MBNL2: variants seen among roughly 807,000 people sequenced by gnomAD.
MBNL2 encodes muscleblind-like protein 2.
MBNL2 carries 17 observed loss-of-function variants against 41.9 expected under a neutral mutation model. The ratio of observed to expected loss-of-function variants is 0.41; its 90% CI spans 0.28 to 0.61. The LOEUF (loss-of-function observed/expected upper bound fraction) is 0.61, where lower values mean the gene tolerates loss of function less well. Ranked by LOEUF, MBNL2 falls within the 20% of genes least tolerant of loss-of-function variation. MBNL2 has a pLI of 0.35. For missense variants in MBNL2, 336 were observed against 505.6 expected, an observed-to-expected ratio of 0.66 and a Z score of 3.22; for synonymous variants, 195 against 182.9, an observed-to-expected ratio of 1.07 and a Z score of -0.53.
At chr13:97,147,986 C>T in the MBNL2 span, among the ~76,000 whole-genome samples, 19 of 152,118 alleles carry the variant, frequency 1.2e-4, no homozygotes, top group Non-Finnish European at 2.2e-4. Flanking sequence ...CAGAGTCAGA[C>T]GCCAGTCAAT....
rs2060691237 is a variant in MBNL2 at position 97,334,223 on chromosome 13, T to A, written c.175-53T>A. ...AGAAGTGATTGTTCAGTGGTTGACT[T>A]TGGAGTTGCAAGCTACTTAAAATAG... is the stretch of plus-strand genomic sequence containing the variant. On this transcript the variant is annotated intron_variant, in intron 2 of 8. Coordinates refer to ENST00000679496, the MANE Select transcript of MBNL2 (RefSeq NM_001382683.1). This position sits in a 1 kb window ranked among gnomAD's most constrained non-coding sequence, Gnocchi z 5.3. The A allele has an allele frequency of 7.0e-7, 1 of 1,436,006 alleles. No homozygotes were observed. Among genetic ancestry groups the A allele is most frequent in the South Asian group, 1.3e-5 (1 of 76,766 alleles). The allele number at this position is 1,436,006 out of a possible 1,614,324, so 89.0% of individuals were successfully genotyped here.
the MBNL2 span, among the ~76,000 whole-genome samples, chr13:97,165,674 A>G: frequency 6.6e-6 from 1 of 152,248 alleles, no homozygotes; most frequent in South Asian, 2.1e-4. Context: ...CAACAAGTCA[A>G]ACATCTGAGT....
intron 7 of MBNL2, among the ~76,000 whole-genome samples, chr13:97,364,886 A>T (rs1190634694): frequency 6.6e-6 from 1 of 152,232 alleles, no homozygotes; most frequent in African/African-American, 2.4e-5. Context: ...TCTTATTAGA[A>T]TCATGTCGAT....
chr13:97,301,872 C>T (rs2057658729), intron 2 of MBNL2, among the ~76,000 whole-genome samples: 1 of 152,212 alleles, frequency 6.6e-6, no homozygotes, highest in South Asian at 2.1e-4. Flanking sequence ...CTTATGGTCA[C>T]TAGGACATAG....
chr13:97,297,214 G>T (rs1335415323), intron 2 of MBNL2, among the ~76,000 whole-genome samples: 1 of 152,180 alleles, frequency 6.6e-6, no homozygotes, highest in Admixed American at 6.5e-5. Context: ...ATTTATTGAG[G>T]GCCTAACATA....
At chr13:97,347,732 G>A (rs1007352822) in intron 5 of MBNL2, among the ~76,000 whole-genome samples, 2 of 152,092 alleles carry the variant, frequency 1.3e-5, no homozygotes, top group Non-Finnish European at 2.9e-5. Flanking sequence ...GAGACCAGCA[G>A]TACATCATCA....
At chr13:97,257,659 C>T (rs1044209299) in intron 1 of MBNL2, among the ~76,000 whole-genome samples, 2 of 152,214 alleles carry the variant, frequency 1.3e-5, no homozygotes, top group African/African-American at 2.4e-5. Context: ...ACACCCTCTA[C>T]CTCGTTTGTT....
intron 2 of MBNL2, among the ~76,000 whole-genome samples, chr13:97,281,265 A>T (rs2053356416): frequency 6.6e-6 from 1 of 152,222 alleles, no homozygotes. Flanking sequence ...CATGTGATTG[A>T]CACCCCCTGG....
chr13:97,346,262 TG>T lies in MBNL2; in HGVS notation c.541-540del, dbSNP rs2061845934. Among the ~76,000 whole-genome samples, 2 of 151,986 alleles carry T rather than the reference TG, an allele frequency of 1.3e-5. No individual in the cohort carries two copies. Among genetic ancestry groups the T allele is most frequent in the African/African-American group, 2.4e-5 (1 of 41,402 alleles). On this transcript the variant is annotated intron_variant, in intron 4 of 8. Coordinates refer to ENST00000679496, the MANE Select transcript of MBNL2 (RefSeq NM_001382683.1). This position sits in a 1 kb window ranked among gnomAD's most constrained non-coding sequence, Gnocchi z 4.2. The stretch of plus-strand genomic sequence containing the variant: ...GATAATAGATGGATGGATGGATGGA[TG>T]GATGGATGGATAGATGGATGGGTGG...
chr13:97,325,457 G>A (rs565239583), intron 2 of MBNL2, among the ~76,000 whole-genome samples: 14 of 152,226 alleles, frequency 9.2e-5, no homozygotes, highest in Admixed American at 7.9e-4. Flanking sequence ...AAGACTGGGT[G>A]CAGTGGCTCA....
At chr13:97,262,357 C>CGTGGCA (rs1244053114) in intron 1 of MBNL2, among the ~76,000 whole-genome samples, 13 of 152,212 alleles carry the variant, frequency 8.5e-5, no homozygotes, top group African/African-American at 3.1e-4. Flanking sequence ...TTGATCTCTC[C>CGTGGCA]GTGGCAGTGG....
chr13:97,222,725 CT>C (rs1272627807), intron 1 of MBNL2, among the ~76,000 whole-genome samples, 194 bp downstream of exon 1: 1 of 152,116 alleles, frequency 6.6e-6, no homozygotes, highest in Admixed American at 6.5e-5. Flanking sequence ...TCTATGCCGC[CT>C]GTTTGGGGTG....
chr13:97,160,706 A>G, the MBNL2 span, among the ~76,000 whole-genome samples: 5 of 152,206 alleles, frequency 3.3e-5, no homozygotes, highest in African/African-American at 1.2e-4. Flanking sequence ...TCTTAAGAAT[A>G]AACTCCTTAG....
intron 2 of MBNL2, among the ~76,000 whole-genome samples, chr13:97,328,173 CT>C (rs35671709): frequency 0.027 from 3,556 of 131,760 alleles, 36 homozygotes; most frequent in African/African-American, 0.039. Flanking sequence ...TTCCTTAACC[CT>C]TTTTTTTTTT....
At chr13:97,323,170 C>T (rs1285550294) in intron 2 of MBNL2, among the ~76,000 whole-genome samples, 1 of 152,204 alleles carries the variant, frequency 6.6e-6, no homozygotes, top group African/African-American at 2.4e-5. Flanking sequence ...AAATTCCAGG[C>T]AGCCTTCTGT....
At chr13:97,323,996 T>C (rs1407472080) in intron 2 of MBNL2, among the ~76,000 whole-genome samples, 1 of 152,222 alleles carries the variant, frequency 6.6e-6, no homozygotes, top group East Asian at 1.9e-4. Flanking sequence ...CACCCTATTA[T>C]GCTGTCAAAT....
chr13:97,316,566 G>T (rs1165624750), intron 2 of MBNL2, among the ~76,000 whole-genome samples: 1 of 152,092 alleles, frequency 6.6e-6, no homozygotes, highest in East Asian at 1.9e-4. Context: ...CAGCCTCTTG[G>T]CTGACCCTCA....
intron 8 of MBNL2, among the ~76,000 whole-genome samples, chr13:97,387,985 G>T (rs1461339616): frequency 6.6e-6 from 1 of 152,164 alleles, no homozygotes; most frequent in Non-Finnish European, 1.5e-5. Context: ...ACAGCATGGG[G>T]TGCTGTGCCT....
intron 2 of MBNL2, among the ~76,000 whole-genome samples, chr13:97,333,782 A>C (rs912174695): frequency 7.1e-6 from 1 of 140,974 alleles, no homozygotes; most frequent in Admixed American, 7.2e-5. Flanking sequence ...ACTGTATAGC[A>C]AGTTCAAAGA....
Sources: allele counts gnomAD v4.1 joint callset (sites outside exome capture counted in the v4.1 genomes callset), GRCh38; gene constraint gnomAD v4.1.1; non-coding constraint Gnocchi (gnomAD v3.1); transcripts MANE v1.5; gene names NCBI Gene and HGNC (gene_info 2026-07-23, HGNC 2026-07-21).